The following PRKCI variants were observed in gnomAD, a reference collection of about 807,000 sequenced individuals.
PRKCI encodes protein kinase C iota.
PRKCI carries 43 observed loss-of-function variants against 84.0 expected under a neutral mutation model. The observed-to-expected ratio is 0.51, with a 90% confidence interval of 0.40 to 0.66. The LOEUF (loss-of-function observed/expected upper bound fraction) is 0.66, where lower values mean the gene tolerates loss of function less well. Ranked by LOEUF, PRKCI falls within the 30% of genes least tolerant of loss-of-function variation. The probability of loss-of-function intolerance (pLI) is 0.00; values close to 1 mark genes in which losing one functional copy is unlikely to be tolerated. For synonymous variants in PRKCI, 216 were observed against 234.4 expected, an observed-to-expected ratio of 0.92 and a Z score of 0.72; for missense variants, 459 against 745.6, an observed-to-expected ratio of 0.62 and a Z score of 4.48.
At chr3:170,290,011 T>G (rs1012206466) in intron 12 of PRKCI, among the ~76,000 whole-genome samples, 2 of 151,592 alleles carry the variant, frequency 1.3e-5, no homozygotes, top group African/African-American at 4.9e-5. Context: ...AGACAGAGGT[T>G]GCAATGAGCC....
chr3:170,282,696 C>CA (rs113109044), intron 11 of PRKCI, among the ~76,000 whole-genome samples: 5,250 of 101,776 alleles, frequency 0.052, 130 homozygotes, highest in South Asian at 0.14. Context: ...GACTCTGTCT[C>CA]AAAAAAAAAA....
chr3:170,285,723 A>G (rs1044841535), intron 12 of PRKCI, among the ~76,000 whole-genome samples: 5 of 151,722 alleles, frequency 3.3e-5, no homozygotes, highest in African/African-American at 7.3e-5. Flanking sequence ...TACTTTTCAC[A>G]TGATACTTAT....
chr3:170,246,399 C>T (rs149701514), intron 2 of PRKCI, among the ~76,000 whole-genome samples: 2,491 of 152,144 alleles, frequency 0.016, 40 homozygotes, highest in East Asian at 0.085. Context: ...GTGATCCGCC[C>T]GCCTCGGCCT....
Position 170,293,526 on chromosome 3 carries a change from A to C in PRKCI, c.1417+18A>C. ...CTTCCAAGGTAATTTGGAGTATTTT[A>C]CAGAGATTCTCTGAGAAAAACCTAT... On this transcript the variant is annotated intron_variant, in intron 14 of 17. Coordinates refer to ENST00000295797, the MANE Select transcript of PRKCI (RefSeq NM_002740.6). The C allele has an allele frequency of 6.2e-7, 1 of 1,610,288 alleles. No homozygotes were observed. The highest frequency in any genetic ancestry group is 8.5e-7 in the Non-Finnish European group (1 of 1,178,118).
At chr3:170,230,958 T>G (rs537048206) in intron 1 of PRKCI, among the ~76,000 whole-genome samples, 34 of 149,354 alleles carry the variant, frequency 2.3e-4, no homozygotes, top group Middle Eastern at 3.6e-3. Flanking sequence ...TAATTTTTTT[T>G]TTTTGTTTTT....
chr3:170,239,118 A>G (rs896338456), intron 2 of PRKCI, among the ~76,000 whole-genome samples: 1 of 152,250 alleles, frequency 6.6e-6, no homozygotes, highest in Non-Finnish European at 1.5e-5. Context: ...ACACAACTAC[A>G]TGAAATGAGA....
chr3:170,290,903 C>T (rs960737718), intron 12 of PRKCI, among the ~76,000 whole-genome samples: 4 of 151,928 alleles, frequency 2.6e-5, no homozygotes, highest in Non-Finnish European at 4.4e-5. Context: ...TTTGGGAGGC[C>T]GAGGTGGGCA....
chr3:170,257,353 A>G (rs926111843), intron 2 of PRKCI, among the ~76,000 whole-genome samples: 1 of 152,210 alleles, frequency 6.6e-6, no homozygotes, highest in Non-Finnish European at 1.5e-5. Flanking sequence ...AGCTGGTTTC[A>G]TGACCTTTGC....
At chr3:170,281,321 CAGTT>C in intron 10 of PRKCI, 58 bp downstream of exon 10, 2 of 1,358,228 alleles carry the variant, frequency 1.5e-6, no homozygotes, top group Non-Finnish European at 1.1e-6. Context: ...TCATATTACA[CAGTT>C]AGAACCTTTC....
intron 1 of PRKCI, among the ~76,000 whole-genome samples, chr3:170,224,449 C>T (rs957703394): frequency 2.0e-5 from 3 of 150,998 alleles, no homozygotes; most frequent in African/African-American, 4.9e-5. Flanking sequence ...AAAAAAGCTT[C>T]CTTTGCTTTT....
rs57096738 is a variant in PRKCI at position 170,299,730 on chromosome 3, T to C, written c.1703+620T>C. Among the ~76,000 whole-genome samples, 983 of 152,328 alleles carry C rather than the reference T, an allele frequency of 6.5e-3. 11 individuals are homozygous for C. Among genetic ancestry groups the C allele is most frequent in the African/African-American group, 0.022 (897 of 41,570 alleles). On this transcript the variant is annotated intron_variant, in intron 17 of 17. Transcript: ENST00000295797. ...GAGAGGTTAAGCAAAGTTACACAGC[T>C]ATCAGGTGGCAGAGTCAGGATTCAA...
rs150287142 is a variant in PRKCI at position 170,279,448 on chromosome 3, C to T, written c.706-779C>T. ...TTCTCAAAATTTACTATTTGCTTTT[C>T]TTGGTATTCTTCACTTCAGAGATTT... On this transcript the variant is annotated intron_variant, in intron 8 of 17. Transcript: ENST00000295797. Among the ~76,000 whole-genome samples, 565 of 152,236 alleles carry T rather than the reference C, an allele frequency of 3.7e-3. 6 individuals are homozygous for T. Among genetic ancestry groups the T allele is most frequent in the African/African-American group, 0.013 (545 of 41,534 alleles).
At chr3:170,265,135 G>T (rs1206717569) in intron 4 of PRKCI, among the ~76,000 whole-genome samples, 4 of 151,738 alleles carry the variant, frequency 2.6e-5, no homozygotes, top group African/African-American at 9.7e-5. Flanking sequence ...GTTGCAGTGA[G>T]CTGAGGTCGC....
chr3:170,235,324 T>A lies in PRKCI; in HGVS notation c.196T>A (p.Phe66Ile). 6.2e-7 allele frequency: 1 copy of A among 1,613,950 alleles called. No individual in the cohort carries two copies. The highest frequency in any genetic ancestry group is 8.5e-7 in the Non-Finnish European group (1 of 1,179,840). ...GTGTTCTTTTGACAACGAACAGCTC[T>A]TCACCATGAAATGGATAGATGAGGA... ...DMCSFDNEQL[F>I]TMKWIDEEGD... is the part of the protein sequence containing the mutation. Residue 66 changes from phenylalanine (F) to isoleucine (I), a missense_variant, in exon 2 of 18, where the codon TTC becomes ATC. Coordinates refer to ENST00000295797, the MANE Select transcript of PRKCI (RefSeq NM_002740.6).
intron 12 of PRKCI, among the ~76,000 whole-genome samples, chr3:170,290,614 T>A (rs1435783643): frequency 6.6e-6 from 1 of 152,170 alleles, no homozygotes; most frequent in Admixed American, 6.6e-5. Context: ...GATCTATCAT[T>A]TTCTAATATA....
chr3:170,225,367 T>A (rs1577335326), intron 1 of PRKCI, among the ~76,000 whole-genome samples: 1 of 152,166 alleles, frequency 6.6e-6, no homozygotes, highest in African/African-American at 2.4e-5. Flanking sequence ...TTAATATAGA[T>A]GAAGCTAAAA....
At chr3:170,277,706 A>G (rs1734152161) in intron 8 of PRKCI, among the ~76,000 whole-genome samples, 1 of 152,092 alleles carries the variant, frequency 6.6e-6, no homozygotes, top group Non-Finnish European at 1.5e-5. Context: ...AAAAAAAAAA[A>G]AAAGAAAATT....
At chr3:170,234,864 G>GAAAGGAT (rs2108836987) in intron 1 of PRKCI, among the ~76,000 whole-genome samples, 1 of 151,692 alleles carries the variant, frequency 6.6e-6, no homozygotes, top group Non-Finnish European at 1.5e-5. Context: ...GTGCAGTGAT[G>GAAAGGAT]TGATCTCAGC....
Position 170,291,678 on chromosome 3 carries a change from CAG to C in PRKCI, c.1204-173_1204-172del, listed in dbSNP as rs1734555794. The stretch of plus-strand genomic sequence containing the variant: ...TGCCACTGCATGCCAGCCTGGGCGA[CAG>C]AGCAAGACCCTGTCAAAAATAATAA... On this transcript the variant is annotated intron_variant, in intron 12 of 17. Transcript: ENST00000295797. 6 of 522,934 alleles carry C rather than the reference CAG, an allele frequency of 1.1e-5. No homozygotes were observed. In the South Asian group the frequency reaches 1.4e-4, roughly 12 times the overall value. The allele number at this position is 522,934 out of a possible 1,614,324, so 32.4% of individuals were successfully genotyped here.
Sources: gnomAD v4.1 joint callset for allele counts (sites outside exome capture counted in the v4.1 genomes callset) on GRCh38, gnomAD v4.1.1 for gene constraint, MANE v1.5 for transcripts, NCBI Gene and HGNC (gene_info 2026-07-23, HGNC 2026-07-21) for gene names.